The following MARCHF8 variants were observed in gnomAD, a reference collection of about 807,000 sequenced individuals.
MARCHF8 encodes the protein membrane associated ring-CH-type finger 8, also known as E3 ubiquitin-protein ligase MARCHF8.
A neutral mutation model predicts 51.6 loss-of-function variants in MARCHF8; 40 were observed. The ratio of observed to expected loss-of-function variants is 0.77; its 90% CI spans 0.60 to 1.01. MARCHF8 has a LOEUF of 1.01. Ranked by LOEUF, MARCHF8 falls within the 50% of genes least tolerant of loss-of-function variation. MARCHF8 has a pLI of 0.00. For missense variants in MARCHF8, 685 were observed against 708.6 expected, an observed-to-expected ratio of 0.97 and a Z score of 0.38; for synonymous variants, 263 against 280.3, an observed-to-expected ratio of 0.94 and a Z score of 0.62.
At chr10:45,584,711 G>C (rs924047069) in intron 1 of MARCHF8, among the ~76,000 whole-genome samples, 1 of 152,092 alleles carries the variant, frequency 6.6e-6, no homozygotes, top group African/African-American at 2.4e-5. Context: ...TATCCCAGTG[G>C]ACCCAATCAA....
In MARCHF8 at chr10:45,564,985, T is replaced by TAAA. The variant is rs60290162; in HGVS notation, c.-79+29247_-79+29249dup. Among the ~76,000 whole-genome samples the TAAA allele has an allele frequency of 7.1e-3, 703 of 98,622 alleles. 4 individuals carry two copies. The highest frequency in any genetic ancestry group is 0.028 in the Middle Eastern group (5 of 176). The allele number at this position is 98,622 out of a possible 152,430, so 64.7% of individuals were successfully genotyped here. A position where few individuals can be genotyped will look rare whatever the true frequency, so the allele number is the denominator to read the frequency against. On this transcript the variant is annotated intron_variant, in intron 1 of 6. Transcript: ENST00000319836. ...ATAACATATAAAAACTAGGATCCACTAAAAAAAAAAAAAAAAAAAATACTG... is the reference window on the plus strand; with the variant it reads ...ATAACATATAAAAACTAGGATCCACTAAAAAAAAAAAAAAAAAAAAAAATACTG...
chr10:45,544,038 A>G (rs2044089729), intron 1 of MARCHF8, among the ~76,000 whole-genome samples: 1 of 152,056 alleles, frequency 6.6e-6, no homozygotes, highest in Non-Finnish European at 1.5e-5. Context: ...ACTGTACTCC[A>G]TTCTGGGCAA....
intron 2 of MARCHF8, among the ~76,000 whole-genome samples, chr10:45,518,488 T>C (rs1195693564): frequency 1.3e-5 from 2 of 152,206 alleles, no homozygotes; most frequent in Non-Finnish European, 2.9e-5. Context: ...CACCCATTCA[T>C]GGATTTTCCC....
intron 2 of MARCHF8, among the ~76,000 whole-genome samples, chr10:45,511,515 C>A (rs911930592): frequency 3.3e-5 from 5 of 152,238 alleles, no homozygotes; most frequent in African/African-American, 1.2e-4. Flanking sequence ...CTGCCTGATT[C>A]TCCTGCCTCA....
At chr10:45,490,873 G>A (rs1205407090) in intron 2 of MARCHF8, among the ~76,000 whole-genome samples, 2 of 152,158 alleles carry the variant, frequency 1.3e-5, no homozygotes, top group Non-Finnish European at 2.9e-5. Flanking sequence ...GAGGAATTGG[G>A]ACTACAGGGA....
chr10:45,567,554 T>C (rs1301660269), intron 1 of MARCHF8, among the ~76,000 whole-genome samples: 2 of 152,204 alleles, frequency 1.3e-5, no homozygotes, highest in Non-Finnish European at 2.9e-5. Flanking sequence ...CAGAGTATGT[T>C]CTTGGCTCCT....
At chr10:45,581,144 G>C (rs1037570735) in intron 1 of MARCHF8, among the ~76,000 whole-genome samples, 3 of 152,070 alleles carry the variant, frequency 2.0e-5, no homozygotes, top group African/African-American at 7.2e-5. Context: ...ATCACCCCAG[G>C]GGATTTTGCC....
At chr10:45,592,440 G>T (rs2044691151) in intron 1 of MARCHF8, among the ~76,000 whole-genome samples, 1 of 152,132 alleles carries the variant, frequency 6.6e-6, no homozygotes, top group Non-Finnish European at 1.5e-5. Context: ...CTAGGGAACA[G>T]GTAGGGTTGT....
chr10:45,563,463 T>C (rs1175542958), intron 1 of MARCHF8, among the ~76,000 whole-genome samples: 1 of 152,190 alleles, frequency 6.6e-6, no homozygotes, highest in Non-Finnish European at 1.5e-5. Flanking sequence ...TAGCAGGCAA[T>C]TAAGATATTG....
At chr10:45,515,407 A>G (rs1315969058) in intron 2 of MARCHF8, among the ~76,000 whole-genome samples, 1 of 152,188 alleles carries the variant, frequency 6.6e-6, no homozygotes, top group Non-Finnish European at 1.5e-5. Flanking sequence ...AGCCATGAGT[A>G]TTCTGTTCCT....
intron 2 of MARCHF8, among the ~76,000 whole-genome samples, chr10:45,514,574 G>A (rs1405766144): frequency 6.6e-6 from 1 of 152,194 alleles, no homozygotes; most frequent in Non-Finnish European, 1.5e-5. Flanking sequence ...GATTTTCAAG[G>A]AACGAGGCAG....
intron 2 of MARCHF8, among the ~76,000 whole-genome samples, chr10:45,516,280 A>G (rs2043616554): frequency 6.6e-6 from 1 of 152,178 alleles, no homozygotes; most frequent in East Asian, 1.9e-4. Context: ...TAGACACAAG[A>G]GATCACTAAA....
In MARCHF8 at chr10:45,464,213, T is replaced by C. The variant is rs765309054; in HGVS notation, c.242+26A>G. The C allele has an allele frequency of 2.7e-5, 43 of 1,605,558 alleles. No individual in the cohort carries two copies. The Middle Eastern group carries it at 4.9e-4, about 18-fold the overall frequency. ...CTTATTTCTGGCTGCACACTGATCA[T>C]GGCAGCATCTGAAGCAGAGTGTTAC... On this transcript the variant is annotated intron_variant, in intron 4 of 7. Transcript: ENST00000453424.
chr10:45,522,821 G>A (rs1389064195), intron 2 of MARCHF8, among the ~76,000 whole-genome samples: 1 of 152,148 alleles, frequency 6.6e-6, no homozygotes, highest in East Asian at 1.9e-4. Flanking sequence ...AGGGATGACA[G>A]TTCATTCCCT....
chr10:45,495,238 T>C (rs60572230), intron 2 of MARCHF8, among the ~76,000 whole-genome samples: 7 of 152,206 alleles, frequency 4.6e-5, no homozygotes, highest in African/African-American at 9.6e-5. Flanking sequence ...AAAAACTATA[T>C]CTCTTAATTC....
At chr10:45,480,182 C>A (rs2133038954) in intron 3 of MARCHF8, among the ~76,000 whole-genome samples, 1 of 152,252 alleles carries the variant, frequency 6.6e-6, no homozygotes. Context: ...GAAAAAATTT[C>A]TAAGCACCAA....
intron 3 of MARCHF8, among the ~76,000 whole-genome samples, chr10:45,471,631 G>A (rs576097094): frequency 1.3e-5 from 2 of 152,322 alleles, no homozygotes; most frequent in South Asian, 4.1e-4. Context: ...TTTCCTCTGA[G>A]AGAATTCTGG....
At chr10:45,480,322 C>T (rs1411917198) in intron 3 of MARCHF8, among the ~76,000 whole-genome samples, 1 of 152,128 alleles carries the variant, frequency 6.6e-6, no homozygotes, top group African/African-American at 2.4e-5. Context: ...AAGAAAAACC[C>T]ATTTTCTGAG....
chr10:45,562,463 A>T (rs1216597301), intron 1 of MARCHF8, among the ~76,000 whole-genome samples: 2 of 152,194 alleles, frequency 1.3e-5, no homozygotes, highest in African/African-American at 4.8e-5. Flanking sequence ...ACCAGTAACA[A>T]GCCAGCAGAC....
Sources: gnomAD v4.1 joint callset for allele counts (sites outside exome capture counted in the v4.1 genomes callset) on GRCh38, gnomAD v4.1.1 for gene constraint, MANE v1.5 for transcripts, NCBI Gene and HGNC (gene_info 2026-07-23, HGNC 2026-07-21) for gene names.